The following BBS5 variants were observed in gnomAD, a reference collection of about 807,000 sequenced individuals.
BBS5 encodes the protein BBSome complex member BBS5.
BBS5 carries 39 observed loss-of-function variants against 50.2 expected under a neutral mutation model. The observed-to-expected ratio is 0.78, with a 90% CI of 0.60 to 1.01. The LOEUF (loss-of-function observed/expected upper bound fraction) is 1.01, where lower values mean the gene tolerates loss of function less well. Ranked by LOEUF, BBS5 falls within the 50% of genes least tolerant of loss-of-function variation. The pLI, the probability that BBS5 is intolerant of heterozygous loss-of-function variation, is 0.00. For missense variants in BBS5, 356 were observed against 401.5 expected (o/e 0.89, Z 0.97); for synonymous variants, 134 against 133.1 (o/e 1.01, Z -0.05).
chr2:169,496,868 CA>C (rs1172725532), intron 7 of BBS5, among the ~76,000 whole-genome samples: 149 of 126,612 alleles, frequency 1.2e-3, no homozygotes, highest in East Asian at 2.3e-3. Flanking sequence ...GACTCCGTCT[CA>C]AAAAAAAAAA....
rs1683515851 is a variant in BBS5, at chr2:169,488,052, T to G, written c.324T>G (p.Phe108Leu). ...LTKCNSTRFE[F>L]IFTNLVPGSP... ...AATGTAACAGTACTCGTTTTGAATT[T>G]ATATTTACAAATTTGGTTCCTGGAA... is the stretch of plus-strand genomic sequence containing the variant. Residue 108 changes from phenylalanine to leucine, a missense_variant, in exon 5 of 12, where the codon TTT becomes TTG. Coordinates refer to ENST00000295240, the MANE Select transcript of BBS5 (RefSeq NM_152384.3). 1.2e-6 allele frequency: 2 copies of G among 1,613,560 alleles called. No individual in the cohort carries two copies. Among genetic ancestry groups the G allele is most frequent in the African/African-American group, 1.3e-5 (1 of 74,926 alleles).
chr2:169,487,856 G>A lies in BBS5; in HGVS notation c.258+1G>A, dbSNP rs756772181. The A allele has an allele frequency of 2.5e-6, 4 of 1,603,852 alleles. No homozygotes were observed. In the South Asian group the frequency reaches 4.4e-5, roughly 18 times the overall value. On this transcript the variant is annotated splice_donor_variant, in intron 4 of 11. Coordinates refer to ENST00000295240, the MANE Select transcript of BBS5 (RefSeq NM_152384.3). LOFTEE classifies it high-confidence loss of function. ...TATTACAACAAGGACTGCTAACTCT[G>A]TAAGTCTAAAAAATCTTATTGCAAT...
At position 169,504,514 on chromosome 2, in the gene BBS5, C is replaced by T; in HGVS notation, c.958C>T (p.Leu320=). The T allele has an allele frequency of 6.2e-7, 1 of 1,614,008 alleles. No homozygotes were observed. The highest frequency in any genetic ancestry group is 8.5e-7 in the Non-Finnish European group (1 of 1,179,970). Reference sequence around the variant, plus strand: ...TCGTGAACCTGTATTTTCAGAAGAACTGGGGCTTGCAATAGAGAAATTGAA... The same window carrying T: ...TCGTGAACCTGTATTTTCAGAAGAATTGGGGCTTGCAATAGAGAAATTGAA... The part of the protein sequence containing the change: ...QDREPVFSEE[L]GLAIEKLKDG... The change falls in exon 12 of 12, where the codon CTG becomes TTG. Residue 320 remains leucine, a synonymous_variant. Transcript: ENST00000295240.
At chr2:169,480,237 A>G (rs917487822) in intron 1 of BBS5, among the ~76,000 whole-genome samples, 6 of 152,226 alleles carry the variant, frequency 3.9e-5, no homozygotes, top group African/African-American at 2.4e-5. Flanking sequence ...GGAAATTATC[A>G]TACATTAAAT....
intron 5 of BBS5, among the ~76,000 whole-genome samples, chr2:169,489,666 C>T (rs1342070246): frequency 2.0e-5 from 3 of 150,460 alleles, no homozygotes; most frequent in Non-Finnish European, 3.0e-5. Flanking sequence ...TTCACTACCT[C>T]GGCTTTTTTT....
intron 8 of BBS5, among the ~76,000 whole-genome samples, chr2:169,498,750 T>C (rs2105301079): frequency 6.9e-6 from 1 of 144,256 alleles, no homozygotes; most frequent in African/African-American, 2.6e-5. Context: ...GAGCTTGCAG[T>C]GAGCCGAGAT....
Position 169,504,587 on chromosome 2 carries a change from C to T in BBS5, c.*5C>T, listed in dbSNP as rs768287987. ...CTTTGGGAAGTAATGAGTTGATTGA[C>T]CTTGAGTTGAGATGGATTTCTATTA... On this transcript the variant is annotated 3_prime_UTR_variant, in exon 12 of 12. Transcript: ENST00000295240. 5 of 1,591,724 alleles carry T rather than the reference C, an allele frequency of 3.1e-6. No homozygotes were observed. In the South Asian group the frequency reaches 3.3e-5, roughly 11 times the overall value.
At chr2:169,495,705 G>A (rs994287084) in intron 7 of BBS5, among the ~76,000 whole-genome samples, 3 of 152,168 alleles carry the variant, frequency 2.0e-5, no homozygotes, top group Admixed American at 6.5e-5. Context: ...ACCCAGGCTA[G>A]AGTACAGTGG....
intron 1 of BBS5, among the ~76,000 whole-genome samples, chr2:169,480,131 TACTA>T (rs139606614): frequency 0.015 from 2,337 of 152,326 alleles, 63 homozygotes; most frequent in African/African-American, 0.053. Context: ...CGTCAAAAAT[TACTA>T]ACCGCGCAAA....
chr2:169,505,286 G>A lies in BBS5; in HGVS notation c.*704G>A. Reference sequence around the variant, plus strand: ...ATGGTGCCCAGGCTGGAGTGCAGTGGCGTGATCTCCGCTCGCTACAACCTC... The same window carrying A: ...ATGGTGCCCAGGCTGGAGTGCAGTGACGTGATCTCCGCTCGCTACAACCTC... On this transcript the variant is annotated 3_prime_UTR_variant, in exon 12 of 12. Coordinates refer to ENST00000295240, the MANE Select transcript of BBS5 (RefSeq NM_152384.3). 1 of 400,228 alleles carries A rather than the reference G, an allele frequency of 2.5e-6. No homozygotes were observed. Among genetic ancestry groups the A allele is most frequent in the Non-Finnish European group, 4.7e-6 (1 of 210,992 alleles). The allele number at this position is 400,228 out of a possible 1,614,324, so 24.8% of individuals were successfully genotyped here.
chr2:169,500,540 TG>T (rs770412191), intron 9 of BBS5, among the ~76,000 whole-genome samples: 3 of 152,336 alleles, frequency 2.0e-5, no homozygotes, highest in South Asian at 2.1e-4. Flanking sequence ...TGCACTCTAT[TG>T]TTGGTGCCCT....
chr2:169,504,434 T>A (rs1474642551), intron 11 of BBS5, 47 bp from the exon 12 acceptor site: 1 of 1,591,040 alleles, frequency 6.3e-7, no homozygotes, highest in Non-Finnish European at 8.6e-7. Flanking sequence ...TTCCTCTTCC[T>A]TGCCCACCTT....
Position 169,505,689 on chromosome 2 carries a change from C to T in BBS5, c.*1107C>T, listed in dbSNP as rs1246327562. ...AGGAGACCCTCCGCCTGGCAACCGC[C>T]CCGTCTGATAAGTAAGGAGCCCCTC... is the stretch of plus-strand genomic sequence containing the variant. On this transcript the variant is annotated 3_prime_UTR_variant, in exon 12 of 12. Transcript: ENST00000295240. 4 of 219,260 alleles carry T rather than the reference C, an allele frequency of 1.8e-5. No homozygotes were observed. The highest frequency in any genetic ancestry group is 2.7e-5 in the Non-Finnish European group (3 of 109,278). The allele number at this position is 219,260 out of a possible 1,614,324, so 13.6% of individuals were successfully genotyped here.
At chr2:169,504,422 T>C in intron 11 of BBS5, 59 bp from the exon 12 acceptor site, 2 of 1,597,160 alleles carry the variant, frequency 1.3e-6, no homozygotes, top group Non-Finnish European at 1.7e-6. Flanking sequence ...TTTTTTGTTT[T>C]TTTCCTCTTC....
chr2:169,496,373 A>G (rs1355663315), intron 7 of BBS5, among the ~76,000 whole-genome samples: 1 of 152,202 alleles, frequency 6.6e-6, no homozygotes, highest in Non-Finnish European at 1.5e-5. Context: ...GTCTAGTGAT[A>G]AATATTCAAA....
intron 8 of BBS5, 73 bp from the exon 9 acceptor site, chr2:169,499,413 A>G (rs1683757007): frequency 6.9e-7 from 1 of 1,442,580 alleles, no homozygotes; most frequent in Non-Finnish European, 9.6e-7. Flanking sequence ...AAATTGAGCT[A>G]TAATTTATCT....
At chr2:169,499,224 G>C (rs1683752888) in intron 8 of BBS5, 1 of 420,590 alleles carries the variant, frequency 2.4e-6, no homozygotes, top group Admixed American at 3.9e-5. Flanking sequence ...ATGGTGTTCA[G>C]GTGAGGGCGA....
At chr2:169,482,469 CT>C (rs1683414861) in intron 2 of BBS5, 136 bp downstream of exon 2, 2 of 724,374 alleles carry the variant, frequency 2.8e-6, no homozygotes, top group Non-Finnish European at 5.0e-6. Flanking sequence ...TCACATAAGA[CT>C]TTTCTCAGAT....
chr2:169,501,018 T>C (rs577559607), intron 9 of BBS5, among the ~76,000 whole-genome samples: 52 of 152,314 alleles, frequency 3.4e-4, no homozygotes, highest in African/African-American at 1.2e-3. Flanking sequence ...TAGTTGAGCA[T>C]CCCAAATGCT....
Sources: gnomAD v4.1 joint callset for allele counts (sites outside exome capture counted in the v4.1 genomes callset) on GRCh38, gnomAD v4.1.1 for gene constraint, MANE v1.5 for transcripts, NCBI Gene and HGNC (gene_info 2026-07-23, HGNC 2026-07-21) for gene names.